The following TTLL5 variants were observed in gnomAD, a reference collection of about 807,000 sequenced individuals.
TTLL5 encodes tubulin polyglutamylase TTLL5.
Under a neutral mutation model 168.4 loss-of-function variants are expected in TTLL5, and 132 were observed. That is an observed-to-expected ratio of 0.78 (90% CI 0.68 to 0.91). TTLL5 has a LOEUF of 0.91. Among genes scored for constraint, TTLL5 ranks in the 40% least tolerant of loss-of-function variants. The probability of loss-of-function intolerance (pLI) is 0.00; values close to 1 mark genes in which losing one functional copy is unlikely to be tolerated. For synonymous variants in TTLL5, 546 were observed against 558.6 expected (o/e 0.98, Z 0.32); for missense variants, 1,545 against 1,581.5 (o/e 0.98, Z 0.39).
intron 5 of TTLL5, among the ~76,000 whole-genome samples, chr14:75,685,474 A>C (rs1884976991): frequency 6.6e-6 from 1 of 152,182 alleles, no homozygotes; most frequent in East Asian, 1.9e-4. Context: ...TATGATGAAA[A>C]ATCTTACATG....
At chr14:75,708,477 C>T (rs927411796) in intron 9 of TTLL5, among the ~76,000 whole-genome samples, 17 of 152,166 alleles carry the variant, frequency 1.1e-4, no homozygotes, top group African/African-American at 3.6e-4. Context: ...AGGTGCCCCC[C>T]ACCATGCCTG....
At chr14:75,882,263 G>A (rs2031857126) in intron 29 of TTLL5, among the ~76,000 whole-genome samples, 1 of 152,062 alleles carries the variant, frequency 6.6e-6, no homozygotes, top group Admixed American at 6.5e-5. Context: ...TCAGAGTTTT[G>A]GATTGGGCAG....
intron 31 of TTLL5, among the ~76,000 whole-genome samples, chr14:75,929,438 T>A (rs2034197726): frequency 7.2e-6 from 1 of 138,356 alleles, no homozygotes; most frequent in Admixed American, 7.8e-5. Context: ...AGTCTTTCAA[T>A]AAAGATACCT....
intron 18 of TTLL5, among the ~76,000 whole-genome samples, chr14:75,754,339 A>C (rs1324253801): frequency 2.6e-5 from 4 of 152,024 alleles, no homozygotes; most frequent in Non-Finnish European, 5.9e-5. Context: ...GTATTTATTC[A>C]TCTTATTCTT....
In TTLL5 at chr14:75,928,182, C is replaced by T. The variant is rs375766020; in HGVS notation, c.3823+25958C>T. On this transcript the variant is annotated intron_variant, in intron 31 of 31. Coordinates refer to ENST00000298832, the MANE Select transcript of TTLL5 (RefSeq NM_015072.5). Reference sequence around the variant, plus strand: ...CCACTGACCTCCTCTGAGATCCTGGCCTAGCCGCCAGGGTCATTAGGGAAA... The same window carrying T: ...CCACTGACCTCCTCTGAGATCCTGGTCTAGCCGCCAGGGTCATTAGGGAAA... 1.3e-4 allele frequency among the ~76,000 whole-genome samples: 19 copies of T among 151,840 alleles called. No individual in the cohort carries two copies. The South Asian group carries it at 4.0e-3, about 32-fold the overall frequency.
chr14:75,916,576 GCCATGAT>G (rs900287371), intron 31 of TTLL5, among the ~76,000 whole-genome samples: 3 of 152,124 alleles, frequency 2.0e-5, no homozygotes, highest in African/African-American at 7.2e-5. Context: ...GGTCGAGGCT[GCCATGAT>G]CCATGATCAC....
At chr14:75,772,238 C>T (rs1891379820) in intron 21 of TTLL5, among the ~76,000 whole-genome samples, 2 of 152,188 alleles carry the variant, frequency 1.3e-5, no homozygotes, top group South Asian at 4.1e-4. Context: ...GCATTATCAT[C>T]CCTGTTTTAC....
intron 3 of TTLL5, among the ~76,000 whole-genome samples, chr14:75,673,948 T>A (rs1883945606): frequency 6.6e-6 from 1 of 152,206 alleles, no homozygotes; most frequent in Non-Finnish European, 1.5e-5. Flanking sequence ...AGCCAAAATG[T>A]TAAAGGTGGA....
At chr14:75,847,237 A>G (rs1296946847) in intron 28 of TTLL5, among the ~76,000 whole-genome samples, 1 of 152,060 alleles carries the variant, frequency 6.6e-6, no homozygotes, top group Non-Finnish European at 1.5e-5. Flanking sequence ...TCCTGACCTC[A>G]GGTGATCCAC....
At chr14:75,871,564 T>TA (rs2031036809) in intron 29 of TTLL5, among the ~76,000 whole-genome samples, 7 of 149,822 alleles carry the variant, frequency 4.7e-5, no homozygotes, top group African/African-American at 1.7e-4. Context: ...ACACAAATCT[T>TA]TAAAAAAAAA....
chr14:75,766,246 A>G lies in TTLL5; in HGVS notation c.1893A>G (p.Lys631=). 2 of 1,614,148 alleles carry G rather than the reference A, an allele frequency of 1.2e-6. No homozygotes were observed. Among genetic ancestry groups the G allele is most frequent in the Non-Finnish European group, 1.7e-6 (2 of 1,179,998 alleles). The change falls in exon 20 of 32, where the codon AAA becomes AAG. Residue 631 remains lysine (K), a synonymous_variant. Transcript: ENST00000298832. ...SLTALVENTP[K]ENSMKVREWN... Reference sequence around the variant, plus strand: ...CAGCTTTGGTAGAAAATACACCCAAAGAAAATTCCATGAAAGTTCGTGAAT... The same window carrying G: ...CAGCTTTGGTAGAAAATACACCCAAGGAAAATTCCATGAAAGTTCGTGAAT...
At chr14:75,661,868 GT>G (rs372509490) in intron 1 of TTLL5, among the ~76,000 whole-genome samples, 34 of 147,794 alleles carry the variant, frequency 2.3e-4, no homozygotes, top group Admixed American at 1.5e-3. Context: ...ATCGGGGTCT[GT>G]TTTTTTTTTG....
intron 31 of TTLL5, among the ~76,000 whole-genome samples, chr14:75,935,067 C>G (rs1444919794): frequency 6.6e-6 from 1 of 152,162 alleles, no homozygotes; most frequent in Non-Finnish European, 1.5e-5. Flanking sequence ...TTCAAAGGAT[C>G]CAGAGGACAT....
At chr14:75,903,900 TA>T (rs778868581) in intron 31 of TTLL5, among the ~76,000 whole-genome samples, 8,726 of 130,584 alleles carry the variant, frequency 0.067, 709 homozygotes, top group African/African-American at 0.2. Flanking sequence ...ACCTCTAATT[TA>T]AAAAAAAAAA....
intron 27 of TTLL5, among the ~76,000 whole-genome samples, chr14:75,795,540 C>G (rs1892955317): frequency 6.6e-6 from 1 of 152,238 alleles, no homozygotes; most frequent in Non-Finnish European, 1.5e-5. Flanking sequence ...GTAGTGTACA[C>G]TGTACCCAAT....
intron 27 of TTLL5, among the ~76,000 whole-genome samples, chr14:75,815,130 G>A (rs1269389890): frequency 6.6e-6 from 1 of 152,216 alleles, no homozygotes; most frequent in Non-Finnish European, 1.5e-5. Flanking sequence ...AGACTGCTGG[G>A]TGAGGGATGT....
chr14:75,695,887 C>G (rs1490381254), intron 6 of TTLL5, among the ~76,000 whole-genome samples: 1 of 134,738 alleles, frequency 7.4e-6, no homozygotes. Context: ...TCCCTCCCCT[C>G]TCCTTCCTTC....
chr14:75,810,848 T>A (rs1269703825), intron 27 of TTLL5, among the ~76,000 whole-genome samples: 1 of 152,210 alleles, frequency 6.6e-6, no homozygotes, highest in Non-Finnish European at 1.5e-5. Flanking sequence ...ACAACATCTG[T>A]ATGTCAAAGC....
At chr14:75,732,215 C>G in intron 12 of TTLL5, 123 bp from the exon 13 acceptor site, 1 of 645,374 alleles carries the variant, frequency 1.5e-6, no homozygotes, top group Non-Finnish European at 2.6e-6. Context: ...CTTCTACTTC[C>G]ACTTGCTACT....
Sources: gnomAD v4.1 joint callset for allele counts (sites outside exome capture counted in the v4.1 genomes callset) on GRCh38, gnomAD v4.1.1 for gene constraint, MANE v1.5 for transcripts, NCBI Gene and HGNC (gene_info 2026-07-23, HGNC 2026-07-21) for gene names.